Variants in COL6A6 observed in about 807,000 individuals in gnomAD.
COL6A6 encodes the protein collagen type VI alpha 6 chain, also known as collagen alpha-6(VI) chain.
Under a neutral mutation model 208.6 loss-of-function variants are expected in COL6A6, and 183 were observed. The ratio of observed to expected loss-of-function variants is 0.88; its 90% CI spans 0.78 to 0.99. COL6A6 has a LOEUF of 0.99. COL6A6 is among the 50% of genes least tolerant of loss of function. The pLI is 0.00. For synonymous variants in COL6A6, 973 were observed against 1,011.8 expected, an observed-to-expected ratio of 0.96 and a Z score of 0.73; for missense variants, 2,816 against 2,815.2, an observed-to-expected ratio of 1.00 and a Z score of -0.01.
At chr3:130,533,749 A>G (rs1268393937) in intron 1 of COL6A6, among the ~76,000 whole-genome samples, 3 of 152,154 alleles carry the variant, frequency 2.0e-5, no homozygotes, top group Admixed American at 6.5e-5. Context: ...ATAATTTTAC[A>G]TGGATGGTAT....
At chr3:130,649,964 C>T (rs2065585662) in intron 33 of COL6A6, among the ~76,000 whole-genome samples, 1 of 152,046 alleles carries the variant, frequency 6.6e-6, no homozygotes, top group Non-Finnish European at 1.5e-5. Flanking sequence ...ATCAGGAGGC[C>T]GGTAAACATA....
chr3:130,571,411 A>C lies in COL6A6; in HGVS notation c.2977+18A>C. 5.3e-6 allele frequency: 8 copies of C among 1,516,524 alleles called. No individual in the cohort carries two copies. Among genetic ancestry groups the C allele is most frequent in the Non-Finnish European group, 6.2e-6 (7 of 1,130,226 alleles). The allele number at this position is 1,516,524 out of a possible 1,614,324, so 93.9% of individuals were successfully genotyped here. A position where few individuals can be genotyped will look rare whatever the true frequency, so the allele number is the denominator to read the frequency against. On this transcript the variant is annotated intron_variant, in intron 7 of 36. Transcript: ENST00000358511. ...AAAAGTAGGTAAGTTTTGCCAACTA[A>C]GTTTTTCCTAATTATTAGCAGAGGG...
Position 130,590,268 on chromosome 3 carries a change from TA to T in COL6A6, c.4219-772del, listed in dbSNP as rs1560034314. ...TCTTTTTTTTTCATATATATATATA[TA>T]TATATATATATATATATATATATAT... On this transcript the variant is annotated intron_variant, in intron 12 of 36. Transcript: ENST00000358511. Among the ~76,000 whole-genome samples, 3 of 16,748 alleles carry T rather than the reference TA, an allele frequency of 1.8e-4. 1 individual carries two copies. Among genetic ancestry groups the T allele is most frequent in the African/African-American group, 5.1e-4 (2 of 3,956 alleles). 11.0% of individuals were successfully genotyped at this position (16,748 alleles called of 152,430 possible). A position where few individuals can be genotyped will look rare whatever the true frequency, so the allele number is the denominator to read the frequency against.
At chr3:130,665,463 A>G (rs926677657) in intron 36 of COL6A6, among the ~76,000 whole-genome samples, 1 of 152,212 alleles carries the variant, frequency 6.6e-6, no homozygotes, top group Non-Finnish European at 1.5e-5. Context: ...GGAAGGTACA[A>G]TATTAGCCTG....
intron 1 of COL6A6, among the ~76,000 whole-genome samples, chr3:130,559,733 T>C (rs2062839307): frequency 6.6e-6 from 1 of 152,216 alleles, no homozygotes; most frequent in South Asian, 2.1e-4. Flanking sequence ...CCTTGCCTCA[T>C]GCAGTTCTGG....
chr3:130,651,000 T>A (rs2065626433), intron 33 of COL6A6, among the ~76,000 whole-genome samples: 1 of 152,190 alleles, frequency 6.6e-6, no homozygotes, highest in African/African-American at 2.4e-5. Context: ...AGTGTTGAAA[T>A]AAGCATAACA....
chr3:130,568,268 A>G lies in COL6A6; in HGVS notation c.2065A>G (p.Ile689Val), dbSNP rs751831579. 3.2e-5 allele frequency: 51 copies of G among 1,613,928 alleles called. No individual in the cohort carries two copies. Among genetic ancestry groups the G allele is most frequent in the Admixed American group, 1.0e-4 (6 of 60,014 alleles). The stretch of plus-strand genomic sequence containing the variant: ...GTCCCAAAGCGACATTTCAAATGCA[A>G]TAGACCAAATGGCTCACATTGGACA... Reference protein sequence around the residue: ...FMSQSDISNAIDQMAHIGQTT... With the variant: ...FMSQSDISNAVDQMAHIGQTT... Residue 689 changes from isoleucine to valine, a missense_variant, in exon 6 of 37, where the codon ATA (isoleucine) becomes GTA (valine). Transcript: ENST00000358511.
intron 23 of COL6A6, among the ~76,000 whole-genome samples, chr3:130,614,749 T>C (rs2064463537): frequency 6.6e-6 from 1 of 152,166 alleles, no homozygotes; most frequent in Non-Finnish European, 1.5e-5. Context: ...AGGTTGTTTG[T>C]GTCCAGGAAT....
intron 32 of COL6A6, among the ~76,000 whole-genome samples, chr3:130,648,233 C>G (rs150733330): frequency 6.6e-6 from 1 of 152,196 alleles, no homozygotes; most frequent in East Asian, 1.9e-4. Context: ...AGTAAACTTG[C>G]ATTTGTAACT....
At chr3:130,635,071 C>G (rs556327739) in intron 27 of COL6A6, among the ~76,000 whole-genome samples, 1 of 151,872 alleles carries the variant, frequency 6.6e-6, no homozygotes, top group South Asian at 2.1e-4. Flanking sequence ...CCCATCTCTA[C>G]GAAAAATACA....
At chr3:130,595,187 GA>G (rs1026896368) in intron 18 of COL6A6, among the ~76,000 whole-genome samples, 51 of 139,236 alleles carry the variant, frequency 3.7e-4, no homozygotes, top group African/African-American at 9.2e-4. Context: ...CCATGTTAAA[GA>G]AAAAAAAAAA....
At position 130,565,334 on chromosome 3, in the gene COL6A6, G is replaced by T; in HGVS notation, c.1002G>T (p.Gln334His). Residue 334 changes from glutamine (Q) to histidine (H), a missense_variant, in exon 4 of 37, where the codon CAG becomes CAT. By Grantham distance (24) the Gln-to-His change is conservative. Coordinates refer to ENST00000358511, the MANE Select transcript of COL6A6 (RefSeq NM_001102608.3). ...GTCGGAAGAATCAGGGGGTGCCCCA[G>T]ATTGCCGTGCTGGTGACCCACCGAG... ...NGSRKNQGVP[Q>H]IAVLVTHRDS... The T allele has an allele frequency of 6.2e-7, 1 of 1,612,384 alleles. No homozygotes were observed. The highest frequency in any genetic ancestry group is 8.5e-7 in the Non-Finnish European group (1 of 1,179,376).
At position 130,567,024 on chromosome 3, in the gene COL6A6, CAA is replaced by C. The variant is rs1427494252; in HGVS notation, c.1607_1608del (p.Lys536SerfsTer16). The C allele has an allele frequency of 1.9e-6, 3 of 1,614,052 alleles. No homozygotes were observed. The highest frequency in any genetic ancestry group is 2.5e-6 in the Non-Finnish European group (3 of 1,179,890). On this transcript the variant is annotated frameshift_variant, in exon 5 of 37. Coordinates refer to ENST00000358511, the MANE Select transcript of COL6A6 (RefSeq NM_001102608.3). LOFTEE classifies it high-confidence loss of function. The part of the protein sequence containing the change: ...LQKAKKQRGN[K>X]VPCHLVVLTN... ...AAAAAGCAAAGAAGCAGCGAGGAAA[CAA>C]AGTTCCATGCCACCTTGTTGTCCTG...
At chr3:130,637,519 C>A (rs1252897326) in intron 28 of COL6A6, among the ~76,000 whole-genome samples, 1 of 152,128 alleles carries the variant, frequency 6.6e-6, no homozygotes, top group East Asian at 1.9e-4. Context: ...GCTCTTTCCA[C>A]CCACCCAGCT....
chr3:130,645,598 C>A (rs971258611), intron 32 of COL6A6, among the ~76,000 whole-genome samples: 1 of 152,060 alleles, frequency 6.6e-6, no homozygotes, highest in Non-Finnish European at 1.5e-5. Flanking sequence ...TTTCTTACTC[C>A]CTTCATTTTC....
At chr3:130,520,822 C>T (rs1362543618) in intron 1 of COL6A6, among the ~76,000 whole-genome samples, 1 of 152,136 alleles carries the variant, frequency 6.6e-6, no homozygotes, top group Non-Finnish European at 1.5e-5. Context: ...TCACTACTGA[C>T]TCTAAATCTT....
At chr3:130,597,898 T>G (rs534655798) in intron 18 of COL6A6, among the ~76,000 whole-genome samples, 36 of 152,312 alleles carry the variant, frequency 2.4e-4, no homozygotes, top group African/African-American at 8.4e-4. Flanking sequence ...TCACTTAGTG[T>G]GCTTATTACA....
At chr3:130,595,126 A>T (rs1046122045) in intron 18 of COL6A6, among the ~76,000 whole-genome samples, 2 of 152,286 alleles carry the variant, frequency 1.3e-5, no homozygotes, top group African/African-American at 4.8e-5. Flanking sequence ...AAAACTTATG[A>T]CATAAAGGCA....
At chr3:130,599,734 A>G in intron 19 of COL6A6, 23 bp from the exon 20 acceptor site, 5 of 1,613,282 alleles carry the variant, frequency 3.1e-6, no homozygotes, top group Non-Finnish European at 4.2e-6. Flanking sequence ...TTACCGTCAC[A>G]CATCTGTCTG....
Sources: allele counts gnomAD v4.1 joint callset (sites outside exome capture counted in the v4.1 genomes callset), GRCh38; gene constraint gnomAD v4.1.1; transcripts MANE v1.5; gene names NCBI Gene and HGNC (gene_info 2026-07-23, HGNC 2026-07-21).